LPP: variants seen among roughly 807,000 people sequenced by gnomAD.
LPP encodes lipoma-preferred partner.
In LPP, 38 loss-of-function variants were observed where a neutral mutation model predicts 60.4. The observed-to-expected ratio is 0.63, with a 90% confidence interval of 0.49 to 0.83. LPP has a LOEUF of 0.83. Among genes scored for constraint, LPP ranks in the 40% least tolerant of loss-of-function variants. The pLI, the probability that LPP is intolerant of heterozygous loss-of-function variation, is 0.00. For missense variants in LPP, 902 were observed against 783.6 expected (o/e 1.15, Z -1.80); for synonymous variants, 328 against 290.8 (o/e 1.13, Z -1.30).
intron 2 of LPP, among the ~76,000 whole-genome samples, chr3:188,234,636 T>C (rs1217631795): frequency 6.6e-6 from 1 of 152,192 alleles, no homozygotes; most frequent in Non-Finnish European, 1.5e-5. Flanking sequence ...CACATTTGAC[T>C]CTCACATTCA....
chr3:188,388,229 A>G (rs918576397), intron 3 of LPP, among the ~76,000 whole-genome samples: 2 of 152,218 alleles, frequency 1.3e-5, no homozygotes, highest in Admixed American at 6.5e-5. Context: ...GACTGTTTGA[A>G]TAAGTTGAGA....
chr3:188,620,249 T>C (rs1343957130), intron 7 of LPP, among the ~76,000 whole-genome samples: 4 of 152,190 alleles, frequency 2.6e-5, no homozygotes, highest in African/African-American at 2.4e-5. Context: ...TTCTTAAATA[T>C]AGTATATGTG....
chr3:188,407,881 C>T (rs1263678281), intron 4 of LPP, among the ~76,000 whole-genome samples: 1 of 146,650 alleles, frequency 6.8e-6, no homozygotes, highest in African/African-American at 2.6e-5. Flanking sequence ...ACCTCCGCTT[C>T]CCGGGTTCAA....
At chr3:188,466,333 G>T (rs1800366678) in intron 4 of LPP, among the ~76,000 whole-genome samples, 1 of 152,024 alleles carries the variant, frequency 6.6e-6, no homozygotes, top group African/African-American at 2.4e-5. Context: ...GCCATCTTAT[G>T]GCATCAGGAG....
intron 10 of LPP, among the ~76,000 whole-genome samples, chr3:188,870,279 C>T (rs1411249017): frequency 6.6e-6 from 1 of 152,172 alleles, no homozygotes; most frequent in African/African-American, 2.4e-5. Context: ...AACTCCTTCT[C>T]AGGTCTGTAC....
intron 2 of LPP, among the ~76,000 whole-genome samples, chr3:188,280,426 C>G (rs116029690): frequency 0.02 from 3,115 of 152,212 alleles, 49 homozygotes; most frequent in Non-Finnish European, 0.033. Context: ...ACCACGAATG[C>G]CGCATCTCAG....
rs149905073 is a variant in LPP, at chr3:188,708,296, G to A, written c.1143G>A (p.Ser381=). The change falls in exon 8 of 12, where the codon TCG becomes TCA. Residue 381 remains serine (S), a synonymous_variant. Transcript: ENST00000617246. ...KGGHSGQLGP[S]SVAPSFRPED... is the part of the protein sequence containing the mutation. ...GCCATTCAGGGCAACTGGGGCCTTC[G>A]TCAGTTGCCCCTTCATTCCGCCCAG... 14,312 of 1,614,076 alleles carry A rather than the reference G, an allele frequency of 8.9e-3. 99 individuals are homozygous for A. Among genetic ancestry groups the A allele is most frequent in the Non-Finnish European group, 9.6e-3 (11,373 of 1,179,988 alleles).
At chr3:188,176,313 T>TA (rs1248405563) in intron 1 of LPP, among the ~76,000 whole-genome samples, 1 of 151,624 alleles carries the variant, frequency 6.6e-6, no homozygotes, top group Non-Finnish European at 1.5e-5. Context: ...CTTTCTTTTG[T>TA]AAAAAAAATA....
At chr3:188,856,582 T>C (rs916050759) in intron 9 of LPP, among the ~76,000 whole-genome samples, 3 of 152,204 alleles carry the variant, frequency 2.0e-5, no homozygotes, top group African/African-American at 7.2e-5. Flanking sequence ...TCTTATAATA[T>C]TTAATTCTCA....
At chr3:188,485,135 G>C (rs1454812600) in intron 5 of LPP, among the ~76,000 whole-genome samples, 2 of 152,092 alleles carry the variant, frequency 1.3e-5, no homozygotes, top group African/African-American at 4.8e-5. Flanking sequence ...GATCCTTTTG[G>C]TCAGCAACAT....
chr3:188,218,428 C>A (rs964173120), intron 1 of LPP, among the ~76,000 whole-genome samples: 1 of 152,138 alleles, frequency 6.6e-6, no homozygotes, highest in African/African-American at 2.4e-5. Context: ...CCTGTGTATC[C>A]CCTGGCAATC....
At chr3:188,446,952 T>A (rs931966162) in intron 4 of LPP, among the ~76,000 whole-genome samples, 1 of 152,176 alleles carries the variant, frequency 6.6e-6, no homozygotes, top group Non-Finnish European at 1.5e-5. Context: ...ACAGGACGAG[T>A]GAGAGACGAG....
rs1770812556 is a variant in LPP at position 188,887,439 on chromosome 3, A to G, written c.*12960A>G. Reference sequence around the variant, plus strand: ...ATGTGTTTCATTCCTTCAAACATAAACTTTGAGAGTAAAAGAGATTTTTAT... The same window carrying G: ...ATGTGTTTCATTCCTTCAAACATAAGCTTTGAGAGTAAAAGAGATTTTTAT... On this transcript the variant is annotated 3_prime_UTR_variant, in exon 12 of 12. Coordinates refer to ENST00000617246, the MANE Select transcript of LPP (RefSeq NM_001375462.1). 1 of 215,578 alleles carries G rather than the reference A, an allele frequency of 4.6e-6. No homozygotes were observed. Among genetic ancestry groups the G allele is most frequent in the Admixed American group, 5.8e-5 (1 of 17,200 alleles). 13.4% of individuals were successfully genotyped at this position (215,578 alleles called of 1,614,324 possible).
chr3:188,592,151 A>G (rs970672221), intron 6 of LPP, among the ~76,000 whole-genome samples: 5 of 152,170 alleles, frequency 3.3e-5, no homozygotes, highest in Non-Finnish European at 7.3e-5. Flanking sequence ...ATGTATGATA[A>G]ATAGGAAATT....
chr3:188,240,281 AT>A, intron 2 of LPP: 1 of 169,952 alleles, frequency 5.9e-6, no homozygotes, highest in South Asian at 2.0e-4. Context: ...ATGGGTAGGA[AT>A]AGCTTACAGC....
chr3:188,475,676 G>T (rs1216230970), intron 4 of LPP, among the ~76,000 whole-genome samples: 1 of 152,204 alleles, frequency 6.6e-6, no homozygotes, highest in Admixed American at 6.5e-5. Flanking sequence ...GCCGAGGCGG[G>T]CGGATCACGA....
At chr3:188,781,760 C>T (rs560104795) in intron 9 of LPP, among the ~76,000 whole-genome samples, 10 of 151,484 alleles carry the variant, frequency 6.6e-5, no homozygotes, top group Admixed American at 1.3e-4. Flanking sequence ...GACATGGTGG[C>T]GGGTGCCTGT....
chr3:188,885,233 A>G lies in LPP; in HGVS notation c.*10754A>G, dbSNP rs938286062. ...CATTTCTTCTCATTAAATCTCCTGC[A>G]TTAAATCTAAGAATCCTTTAAAATA... is the stretch of plus-strand genomic sequence containing the variant. On this transcript the variant is annotated 3_prime_UTR_variant, in exon 12 of 12. Transcript: ENST00000617246. 1 of 201,378 alleles carries G rather than the reference A, an allele frequency of 5.0e-6. No homozygotes were observed. The highest frequency in any genetic ancestry group is 2.3e-5 in the African/African-American group (1 of 43,466). The allele number at this position is 201,378 out of a possible 1,614,324, so 12.5% of individuals were successfully genotyped here.
At chr3:188,279,781 A>G (rs1012465481) in intron 2 of LPP, among the ~76,000 whole-genome samples, 7 of 152,226 alleles carry the variant, frequency 4.6e-5, no homozygotes, top group Admixed American at 1.3e-4. Context: ...TCTTGCAGGA[A>G]AAGTCTAGTT....
Sources: gnomAD v4.1 joint callset for allele counts (sites outside exome capture counted in the v4.1 genomes callset) on GRCh38, gnomAD v4.1.1 for gene constraint, MANE v1.5 for transcripts, NCBI Gene and HGNC (gene_info 2026-07-23, HGNC 2026-07-21) for gene names.